GOLPH3: variants seen among roughly 807,000 people sequenced by gnomAD.
GOLPH3 encodes the protein golgi phosphoprotein 3.
Under a neutral mutation model 28.5 loss-of-function variants are expected in GOLPH3, and 14 were observed. That is an observed-to-expected ratio of 0.49 (90% CI 0.32 to 0.77). GOLPH3 has a LOEUF of 0.77. Ranked by LOEUF, GOLPH3 falls within the 30% of genes least tolerant of loss-of-function variation. The probability of loss-of-function intolerance (pLI) is 0.03; values close to 1 mark genes in which losing one functional copy is unlikely to be tolerated. For synonymous variants in GOLPH3, 158 were observed against 159.2 expected (o/e 0.99, Z 0.06); for missense variants, 350 against 393.7 (o/e 0.89, Z 0.94).
Position 32,174,119 on chromosome 5 carries a change from C to G in GOLPH3, c.-85G>C. The G allele has an allele frequency of 3.1e-6, 3 of 973,854 alleles. No homozygotes were observed. Among genetic ancestry groups the G allele is most frequent in the Non-Finnish European group, 4.0e-6 (3 of 754,476 alleles). 60.3% of individuals were successfully genotyped at this position (973,854 alleles called of 1,614,324 possible). Reference sequence around the variant, plus strand: ...CCTCCTCCCCGCGCGGCCTCCGATCCGGGTTTCCGTGTTAAATCCGGACGC... The same window carrying G: ...CCTCCTCCCCGCGCGGCCTCCGATCGGGGTTTCCGTGTTAAATCCGGACGC... On this transcript the variant is annotated 5_prime_UTR_variant, in exon 1 of 4. Coordinates refer to ENST00000265070, the MANE Select transcript of GOLPH3 (RefSeq NM_022130.4).
chr5:32,151,652 T>G (rs893205008), intron 1 of GOLPH3, among the ~76,000 whole-genome samples: 19 of 152,168 alleles, frequency 1.2e-4, no homozygotes, highest in Admixed American at 9.8e-4. Flanking sequence ...CATGAGACCT[T>G]AACAGCAAAA....
rs1267975368 is a variant in GOLPH3 at position 32,161,302 on chromosome 5, C to A, written c.225+12508G>T. Among the ~76,000 whole-genome samples the A allele has an allele frequency of 2.0e-5, 3 of 149,344 alleles. 1 individual carries two copies. The highest frequency in any genetic ancestry group is 5.1e-5 in the African/African-American group (2 of 39,438). Reference sequence around the variant, plus strand: ...CCTGTAGTCCCGGCTACTTGGAAGGCTGAGGTGGGAGGATCACCTGAGCCC... The same window carrying A: ...CCTGTAGTCCCGGCTACTTGGAAGGATGAGGTGGGAGGATCACCTGAGCCC... On this transcript the variant is annotated intron_variant, in intron 1 of 3. Coordinates refer to ENST00000265070, the MANE Select transcript of GOLPH3 (RefSeq NM_022130.4).
At chr5:32,172,040 G>A (rs1296993158) in intron 1 of GOLPH3, among the ~76,000 whole-genome samples, 3 of 151,906 alleles carry the variant, frequency 2.0e-5, no homozygotes, top group Non-Finnish European at 4.4e-5. Flanking sequence ...ACATTACTAG[G>A]ACGCTATACC....
intron 2 of GOLPH3, among the ~76,000 whole-genome samples, chr5:32,136,481 TAAA>T (rs199826363): frequency 1.6e-5 from 2 of 121,298 alleles, no homozygotes; most frequent in African/African-American, 3.1e-5. Flanking sequence ...AACTCCGACT[TAAA>T]AAAAAAAAAA....
chr5:32,160,212 G>A (rs1746543098), intron 1 of GOLPH3, among the ~76,000 whole-genome samples: 1 of 151,982 alleles, frequency 6.6e-6, no homozygotes, highest in Non-Finnish European at 1.5e-5. Flanking sequence ...AAAAATTATT[G>A]GAAGTAATAA....
chr5:32,143,711 A>G, intron 2 of GOLPH3, 38 bp downstream of exon 2: 2 of 1,567,232 alleles, frequency 1.3e-6, no homozygotes, highest in Non-Finnish European at 1.7e-6. Context: ...AAGCAGTACA[A>G]CCTCTTTAAA....
intron 1 of GOLPH3, 96 bp downstream of exon 1, chr5:32,173,714 C>T: frequency 2.3e-6 from 2 of 876,494 alleles, no homozygotes; most frequent in Non-Finnish European, 3.0e-6. Flanking sequence ...GGTGCGCGGG[C>T]CGGAAGCCTC....
intron 1 of GOLPH3, among the ~76,000 whole-genome samples, chr5:32,170,823 C>T (rs1439942232): frequency 1.3e-5 from 2 of 151,936 alleles, no homozygotes; most frequent in Non-Finnish European, 2.9e-5. Flanking sequence ...ATAGGCTAAT[C>T]CCTAAAACCA....
intron 1 of GOLPH3, among the ~76,000 whole-genome samples, chr5:32,161,426 GAA>G (rs1248288982): frequency 1.3e-5 from 1 of 79,636 alleles, no homozygotes; most frequent in African/African-American, 4.9e-5. Context: ...CAAAGCTGAG[GAA>G]AAAAAAAAAA....
At chr5:32,171,955 GAAA>G (rs1219607148) in intron 1 of GOLPH3, among the ~76,000 whole-genome samples, 2 of 138,570 alleles carry the variant, frequency 1.4e-5, no homozygotes. Flanking sequence ...TCTAAAAAAA[GAAA>G]AAAAAAAAGA....
chr5:32,129,180 C>G (rs1745768804), intron 3 of GOLPH3, among the ~76,000 whole-genome samples: 3 of 150,708 alleles, frequency 2.0e-5, no homozygotes, highest in African/African-American at 7.3e-5. Flanking sequence ...AAGACTGTCT[C>G]AAAAACAAAA....
Position 32,143,836 on chromosome 5 carries a change from A to G in GOLPH3, c.270T>C (p.Arg90=). 6.3e-7 allele frequency: 1 copy of G among 1,599,314 alleles called. No individual in the cohort carries two copies. The highest frequency in any genetic ancestry group is 8.5e-7 in the Non-Finnish European group (1 of 1,173,318). ...ATGCTAATTCAATTAACATACAGCC[A>G]CGTAATCCAGATGATATACAGTCAT... ...FWNDCISSGL[R]GCMLIELALR... The change falls in exon 2 of 4, where the codon CGT becomes CGC. Residue 90 remains arginine (R), a synonymous_variant. Coordinates refer to ENST00000265070, the MANE Select transcript of GOLPH3 (RefSeq NM_022130.4).
At chr5:32,141,726 C>A (rs557543590) in intron 2 of GOLPH3, among the ~76,000 whole-genome samples, 1 of 152,166 alleles carries the variant, frequency 6.6e-6, no homozygotes, top group African/African-American at 2.4e-5. Flanking sequence ...CTCAGCTAGC[C>A]GAGTGCCTGC....
At chr5:32,142,465 A>T (rs1190509800) in intron 2 of GOLPH3, among the ~76,000 whole-genome samples, 1 of 146,548 alleles carries the variant, frequency 6.8e-6, no homozygotes, top group Non-Finnish European at 1.5e-5. Context: ...CTCGTCCGGG[A>T]GGGAGGTGGG....
rs116903961 is a variant in GOLPH3 at position 32,152,427 on chromosome 5, C to G, written c.226-8547G>C. Reference sequence around the variant, plus strand: ...GGTATGAGCCACCGCGCCTGCCCCCCCCAGCCTTTTTTTTTTTTTTTAAAC... The same window carrying G: ...GGTATGAGCCACCGCGCCTGCCCCCGCCAGCCTTTTTTTTTTTTTTTAAAC... On this transcript the variant is annotated intron_variant, in intron 1 of 3. Coordinates refer to ENST00000265070, the MANE Select transcript of GOLPH3 (RefSeq NM_022130.4). Among the ~76,000 whole-genome samples the G allele has an allele frequency of 1.4e-4, 18 of 124,744 alleles. No homozygotes were observed. In the East Asian group the frequency reaches 2.4e-3, roughly 16 times the overall value. The allele number at this position is 124,744 out of a possible 152,430, so 81.8% of individuals were successfully genotyped here. A position where few individuals can be genotyped will look rare whatever the true frequency, so the allele number is the denominator to read the frequency against.
chr5:32,136,623 C>T (rs978655251), intron 2 of GOLPH3, among the ~76,000 whole-genome samples: 1 of 152,132 alleles, frequency 6.6e-6, no homozygotes, highest in Non-Finnish European at 1.5e-5. Context: ...AGAAATAAGA[C>T]TAAATTATAT....
At chr5:32,164,749 A>G (rs146650976) in intron 1 of GOLPH3, among the ~76,000 whole-genome samples, 39 of 152,170 alleles carry the variant, frequency 2.6e-4, no homozygotes, top group African/African-American at 8.7e-4. Flanking sequence ...TCCCTTGGCA[A>G]TGACATTACC....
intron 3 of GOLPH3, 31 bp from the exon 4 acceptor site, chr5:32,126,667 A>G (rs188044268): frequency 1.7e-4 from 263 of 1,581,150 alleles, no homozygotes; most frequent in Non-Finnish European, 1.8e-5. Flanking sequence ...GTTAGAAATG[A>G]TGAGTATTAT....
intron 1 of GOLPH3, among the ~76,000 whole-genome samples, chr5:32,166,485 G>A (rs771986819): frequency 6.6e-6 from 1 of 152,108 alleles, no homozygotes; most frequent in East Asian, 1.9e-4. Context: ...ATGAAGCCAG[G>A]TTTCCACTTT....
Sources: allele counts gnomAD v4.1 joint callset (sites outside exome capture counted in the v4.1 genomes callset), GRCh38; gene constraint gnomAD v4.1.1; transcripts MANE v1.5; gene names NCBI Gene and HGNC (gene_info 2026-07-23, HGNC 2026-07-21).